Variants in UBP1 observed in about 807,000 individuals in gnomAD.
UBP1 encodes the protein upstream binding protein 1.
A neutral mutation model predicts 76.1 loss-of-function variants in UBP1; 22 were observed. That is an observed-to-expected ratio of 0.29 (90% CI 0.21 to 0.41). The LOEUF (loss-of-function observed/expected upper bound fraction) is 0.41. UBP1 is among the 10% of genes least tolerant of loss of function. The pLI, the probability that UBP1 is intolerant of heterozygous loss-of-function variation, is 1.00. For missense variants in UBP1, 436 were observed against 668.1 expected, an observed-to-expected ratio of 0.65 and a Z score of 3.83; for synonymous variants, 224 against 237.1, an observed-to-expected ratio of 0.94 and a Z score of 0.51.
intron 10 of UBP1, among the ~76,000 whole-genome samples, chr3:33,400,663 C>G (rs758422215): frequency 6.6e-6 from 1 of 151,684 alleles, no homozygotes; most frequent in African/African-American, 2.4e-5. Context: ...TAACAGAGAC[C>G]GGGAAGAATG....
At chr3:33,431,238 G>T (rs2045106976) in intron 1 of UBP1, among the ~76,000 whole-genome samples, 1 of 152,050 alleles carries the variant, frequency 6.6e-6, no homozygotes, top group Non-Finnish European at 1.5e-5. Flanking sequence ...AGTTAAGAAG[G>T]GACCAAGTGA....
chr3:33,425,538 T>C (rs1575488092), intron 2 of UBP1, 52 bp downstream of exon 2: 1 of 1,461,368 alleles, frequency 6.8e-7, no homozygotes, highest in East Asian at 2.4e-5. Flanking sequence ...CAAAATATTA[T>C]TTTGTATTTC....
chr3:33,401,766 AAGTT>A (rs2044237517), intron 9 of UBP1, among the ~76,000 whole-genome samples: 1 of 152,310 alleles, frequency 6.6e-6, no homozygotes, highest in South Asian at 2.1e-4. Context: ...GGAACACAAT[AAGTT>A]CTCCAGTCTA....
chr3:33,425,422 G>A (rs972568850), intron 2 of UBP1, among the ~76,000 whole-genome samples, 168 bp downstream of exon 2: 4 of 152,128 alleles, frequency 2.6e-5, no homozygotes, highest in African/African-American at 9.7e-5. Context: ...TACACAAACT[G>A]TACTTCAGCT....
intron 1 of UBP1, among the ~76,000 whole-genome samples, chr3:33,435,463 A>C (rs184428778): frequency 2.0e-5 from 3 of 152,304 alleles, no homozygotes; most frequent in African/African-American, 7.2e-5. Context: ...GCAAGACCTT[A>C]TCTCTACTAA....
At chr3:33,420,117 C>G (rs968766166) in intron 2 of UBP1, among the ~76,000 whole-genome samples, 3 of 152,148 alleles carry the variant, frequency 2.0e-5, no homozygotes, top group Non-Finnish European at 2.9e-5. Flanking sequence ...TGACAGCCCC[C>G]ACTTTGCTAA....
At chr3:33,416,505 T>C (rs1407082718) in intron 3 of UBP1, among the ~76,000 whole-genome samples, 1 of 152,244 alleles carries the variant, frequency 6.6e-6, no homozygotes, top group African/African-American at 2.4e-5. Context: ...TAGGTTTTTG[T>C]TGTGGTGATG....
chr3:33,405,643 A>ACAGC (rs1335270449), intron 8 of UBP1, among the ~76,000 whole-genome samples: 1 of 152,166 alleles, frequency 6.6e-6, no homozygotes, highest in East Asian at 1.9e-4. Context: ...CCTGAGGAAC[A>ACAGC]CAGCGAGAAC....
chr3:33,402,887 A>G lies in UBP1; in HGVS notation c.945T>C (p.Asp315=), dbSNP rs1187613304. The G allele has an allele frequency of 1.2e-6, 2 of 1,610,100 alleles. No homozygotes were observed. Among genetic ancestry groups the G allele is most frequent in the Admixed American group, 1.7e-5 (1 of 59,384 alleles). The part of the protein sequence containing the change: ...AKRGSCSPWP[D]APTAYVNNSP... ...TGTTATTCACATAGGCTGTGGGGGC[A>G]TCGGGCCACGGAGAACACTAAGGAC... The change falls in exon 9 of 16, where the codon GAT becomes GAC. Residue 315 remains aspartate (D), a synonymous_variant. Transcript: ENST00000283629.
chr3:33,412,381 A>G (rs2044609925), intron 4 of UBP1, among the ~76,000 whole-genome samples: 1 of 151,938 alleles, frequency 6.6e-6, no homozygotes, highest in Non-Finnish European at 1.5e-5. Context: ...ATACATATAT[A>G]TGTATGTGTG....
chr3:33,395,211 G>C (rs564221441), intron 13 of UBP1, among the ~76,000 whole-genome samples: 7 of 152,108 alleles, frequency 4.6e-5, no homozygotes, highest in Admixed American at 2.0e-4. Flanking sequence ...AAATAGAAAA[G>C]TTCACAGTAG....
At position 33,434,130 on chromosome 3, in the gene UBP1, C is replaced by T. The variant is rs143978989; in HGVS notation, c.113+5606G>A. Reference sequence around the variant, plus strand: ...AACAGTCCTAATTGAAGGATATAAACTGTACTATATCTTACAGGGGCGGGG... The same window carrying T: ...AACAGTCCTAATTGAAGGATATAAATTGTACTATATCTTACAGGGGCGGGG... On this transcript the variant is annotated intron_variant, in intron 1 of 15. Coordinates refer to ENST00000283629, the MANE Select transcript of UBP1 (RefSeq NM_014517.5). Among the ~76,000 whole-genome samples the T allele has an allele frequency of 1.7e-3, 260 of 152,186 alleles. 3 individuals carry two copies. Among genetic ancestry groups the T allele is most frequent in the Admixed American group, 0.016 (239 of 15,272 alleles).
chr3:33,436,963 A>G (rs1373527307), intron 1 of UBP1, among the ~76,000 whole-genome samples: 2 of 152,182 alleles, frequency 1.3e-5, no homozygotes, highest in Non-Finnish European at 2.9e-5. Flanking sequence ...CATCTCTAAA[A>G]TCCTGTTACT....
chr3:33,429,291 A>G (rs1242436118), intron 1 of UBP1, among the ~76,000 whole-genome samples: 1 of 152,192 alleles, frequency 6.6e-6, no homozygotes, highest in Non-Finnish European at 1.5e-5. Context: ...CCATAAATGG[A>G]AACAGACTTT....
chr3:33,404,848 A>G (rs2044374503), intron 8 of UBP1, among the ~76,000 whole-genome samples: 1 of 152,186 alleles, frequency 6.6e-6, no homozygotes, highest in Admixed American at 6.5e-5. Context: ...CAGGACCTGA[A>G]TGACACTACC....
intron 2 of UBP1, 141 bp downstream of exon 2, chr3:33,425,449 C>T (rs2154059187): frequency 1.1e-6 from 1 of 935,476 alleles, no homozygotes; most frequent in African/African-American, 1.6e-5. Context: ...AGTAAAATTC[C>T]TACAATTTTC....
intron 1 of UBP1, among the ~76,000 whole-genome samples, chr3:33,435,219 T>C (rs1237773780): frequency 1.3e-5 from 2 of 152,214 alleles, no homozygotes; most frequent in Admixed American, 1.3e-4. Context: ...CAGGAAAAAG[T>C]TGTTAAACCT....
At position 33,440,166 on chromosome 3, in the gene UBP1, C is replaced by A; in HGVS notation, c.-318G>T. On this transcript the variant is annotated 5_prime_UTR_variant, in exon 1 of 16. Transcript: ENST00000283629. ...TGCAGCCGCCGCCGACCGCCCCGCC[C>A]GGGGCCCCCCGGTCGCATCCTCCTC... is the stretch of plus-strand genomic sequence containing the variant. 1 of 159,072 alleles carries A rather than the reference C, an allele frequency of 6.3e-6. No individual in the cohort carries two copies. Among genetic ancestry groups the A allele is most frequent in the South Asian group, 1.8e-4 (1 of 5,706 alleles). The allele number at this position is 159,072 out of a possible 1,614,324, so 9.9% of individuals were successfully genotyped here.
At chr3:33,427,464 T>A (rs529321126) in intron 1 of UBP1, among the ~76,000 whole-genome samples, 1 of 152,372 alleles carries the variant, frequency 6.6e-6, no homozygotes, top group East Asian at 1.9e-4. Flanking sequence ...AAACATCAAA[T>A]GAATAACTAC....
Sources: gnomAD v4.1 joint callset for allele counts (sites outside exome capture counted in the v4.1 genomes callset) on GRCh38, gnomAD v4.1.1 for gene constraint, MANE v1.5 for transcripts, NCBI Gene and HGNC (gene_info 2026-07-23, HGNC 2026-07-21) for gene names.